The following CDRT4 variants were observed in gnomAD, a reference collection of about 807,000 sequenced individuals.
CDRT4 encodes the protein CMT1A duplicated region transcript 4.
For synonymous variants in CDRT4, 64 were observed against 69.6 expected, an observed-to-expected ratio of 0.92 and a Z score of 0.40; for missense variants, 167 against 193.1, an observed-to-expected ratio of 0.87 and a Z score of 0.80.
chr17:15,461,358 G>C (rs79270524), intron 1 of CDRT4, among the ~76,000 whole-genome samples: 1 of 152,212 alleles, frequency 6.6e-6, no homozygotes, highest in Admixed American at 6.5e-5. Flanking sequence ...TACAGCATGC[G>C]GGCTGCCACA....
intron 1 of CDRT4, among the ~76,000 whole-genome samples, chr17:15,465,234 ACAC>A (rs1435302007): frequency 5.3e-5 from 7 of 132,548 alleles, no homozygotes; most frequent in Non-Finnish European, 7.6e-5. Flanking sequence ...ACACAGACAC[ACAC>A]AACAGACACA....
chr17:15,440,384 G>A (rs1978703304), intron 2 of CDRT4, 99 bp from the exon 3 acceptor site: 1 of 1,336,824 alleles, frequency 7.5e-7, no homozygotes, highest in Non-Finnish European at 1.0e-6. Context: ...TATGGTCACT[G>A]CATGAGGCTA....
intron 1 of CDRT4, among the ~76,000 whole-genome samples, chr17:15,466,761 G>T (rs1301957522): frequency 2.0e-5 from 3 of 152,024 alleles, no homozygotes; most frequent in Non-Finnish European, 4.4e-5. Context: ...TAGAAACGGG[G>T]TCTTGCTATG....
intron 1 of CDRT4, among the ~76,000 whole-genome samples, chr17:15,459,988 GC>G (rs1380421370): frequency 6.6e-6 from 1 of 152,072 alleles, no homozygotes; most frequent in Non-Finnish European, 1.5e-5. Context: ...GGGTGAGGGA[GC>G]CCCTGTCCCA....
chr17:15,456,240 T>A (rs1979474829), intron 1 of CDRT4, among the ~76,000 whole-genome samples: 1 of 152,136 alleles, frequency 6.6e-6, no homozygotes, highest in African/African-American at 2.4e-5. Context: ...GACAAGGTCA[T>A]TTTGACACAG....
chr17:15,465,744 A>T (rs1980007012), intron 1 of CDRT4, among the ~76,000 whole-genome samples: 1 of 152,216 alleles, frequency 6.6e-6, no homozygotes, highest in South Asian at 2.1e-4. Flanking sequence ...ATGCACAGAC[A>T]CGCATGCTAA....
intron 2 of CDRT4, among the ~76,000 whole-genome samples, chr17:15,446,131 G>A (rs1223922871): frequency 6.6e-6 from 1 of 152,134 alleles, no homozygotes; most frequent in Non-Finnish European, 1.5e-5. Context: ...CGGTTTCCAT[G>A]CTGATCTCCA....
intron 1 of CDRT4, among the ~76,000 whole-genome samples, chr17:15,462,245 G>A (rs531805194): frequency 1.3e-4 from 19 of 151,934 alleles, no homozygotes; most frequent in African/African-American, 3.1e-4. Flanking sequence ...TGACTAACAC[G>A]GTGAAACCCA....
At position 15,438,147 on chromosome 17, in the gene CDRT4, A is replaced by G. The variant is rs1430205001; in HGVS notation, c.85T>C (p.Trp29Arg). The stretch of plus-strand genomic sequence containing the variant: ...GAGGTATAGGTGACATAGGCCGGCC[A>G]GGGGTCATGTTTTTCAAGTAGCTTC... ...PRKLLEKHDP[W>R]PAYVTYTSQT... Residue 29 changes from tryptophan to arginine, a missense_variant, in exon 4 of 4, where the codon TGG (tryptophan) becomes CGG (arginine). Coordinates refer to ENST00000619038, the MANE Select transcript of CDRT4 (RefSeq NM_001204477.2). 1.2e-6 allele frequency: 2 copies of G among 1,614,144 alleles called. No individual in the cohort carries two copies. Among genetic ancestry groups the G allele is most frequent in the Non-Finnish European group, 1.7e-6 (2 of 1,180,020 alleles).
chr17:15,458,652 C>A (rs1441770273), intron 1 of CDRT4, among the ~76,000 whole-genome samples: 1 of 152,180 alleles, frequency 6.6e-6, no homozygotes, highest in African/African-American at 2.4e-5. Flanking sequence ...ACGGTGTTCA[C>A]CCATTCCTGA....
chr17:15,451,811 CTCTG>C (rs1296029309), intron 2 of CDRT4, among the ~76,000 whole-genome samples: 8 of 152,220 alleles, frequency 5.3e-5, no homozygotes, highest in African/African-American at 1.2e-4. Flanking sequence ...TATTTTAATA[CTCTG>C]TCTAACACTA....
intron 2 of CDRT4, 124 bp downstream of exon 2, chr17:15,452,874 TTCTCTC>T (rs1488462511): frequency 6.6e-6 from 1 of 152,000 alleles, no homozygotes; most frequent in Non-Finnish European, 1.5e-5. Context: ...CTCTTTCTCT[TTCTCTC>T]TCTCCCTCTC....
At chr17:15,440,757 T>C (rs1271714977) in intron 2 of CDRT4, among the ~76,000 whole-genome samples, 2 of 152,216 alleles carry the variant, frequency 1.3e-5, no homozygotes, top group East Asian at 1.9e-4. Flanking sequence ...AGGAGTCAGC[T>C]ACCAGGGCCC....
chr17:15,461,176 C>T (rs1490330064), intron 1 of CDRT4, among the ~76,000 whole-genome samples: 2 of 152,194 alleles, frequency 1.3e-5, no homozygotes, highest in South Asian at 2.1e-4. Context: ...TTATTTTCTG[C>T]CTGCCCTCTT....
intron 2 of CDRT4, among the ~76,000 whole-genome samples, chr17:15,447,796 T>A (rs1326999693): frequency 1.3e-5 from 2 of 152,204 alleles, no homozygotes; most frequent in African/African-American, 4.8e-5. Flanking sequence ...CAAGCAGGCA[T>A]AATCAGAGGA....
At chr17:15,447,661 T>C (rs1409178286) in intron 2 of CDRT4, among the ~76,000 whole-genome samples, 5 of 152,354 alleles carry the variant, frequency 3.3e-5, no homozygotes, top group African/African-American at 1.2e-4. Context: ...ATTACAAATA[T>C]TAAATTCCCA....
At position 15,464,163 on chromosome 17, in the gene CDRT4, G is replaced by A. The variant is rs1008482761; in HGVS notation, c.-130+3297C>T. Among the ~76,000 whole-genome samples, 6 of 152,110 alleles carry A rather than the reference G, an allele frequency of 3.9e-5. No homozygotes were observed. The South Asian group carries it at 8.3e-4, about 21-fold the overall frequency. The stretch of plus-strand genomic sequence containing the variant: ...GGGTAACTTATTAACCTCTCTGGCC[G>A]CGTTTTTCTCTGGTGATGTGTCACT... On this transcript the variant is annotated intron_variant, in intron 1 of 3. Transcript: ENST00000619038. The surrounding 1 kb of genome is among the most constrained non-coding windows in gnomAD (Gnocchi z 4.5).
At position 15,438,180 on chromosome 17, in the gene CDRT4, G is replaced by T. The variant is rs747671952; in HGVS notation, c.52C>A (p.Leu18Ile). Residue 18 changes from leucine to isoleucine, a missense_variant, in exon 4 of 4, where the codon CTT (leucine) becomes ATT (isoleucine). By Grantham distance (5) the Leu-to-Ile change is conservative. Coordinates refer to ENST00000619038, the MANE Select transcript of CDRT4 (RefSeq NM_001204477.2). Reference sequence around the variant, plus strand: ...TGTTTTTCAAGTAGCTTCCGGGGAAGTCCAGTGTTTTCTGTGAGTCCTACC... The same window carrying T: ...TGTTTTTCAAGTAGCTTCCGGGGAATTCCAGTGTTTTCTGTGAGTCCTACC... Reference protein sequence around the residue: ...KEEGLTENTGLPRKLLEKHDP... With the variant: ...KEEGLTENTGIPRKLLEKHDP... 4 of 1,613,702 alleles carry T rather than the reference G, an allele frequency of 2.5e-6. No homozygotes were observed. Among genetic ancestry groups the T allele is most frequent in the Non-Finnish European group, 8.5e-7 (1 of 1,179,768 alleles).
At chr17:15,449,102 C>T (rs988035516) in intron 2 of CDRT4, among the ~76,000 whole-genome samples, 1 of 152,236 alleles carries the variant, frequency 6.6e-6, no homozygotes, top group Non-Finnish European at 1.5e-5. Context: ...AATACCAGTT[C>T]AATCCACCTG....
Sources: gnomAD v4.1 joint callset for allele counts (sites outside exome capture counted in the v4.1 genomes callset) on GRCh38, gnomAD v4.1.1 for gene constraint, Gnocchi (gnomAD v3.1) non-coding constraint, MANE v1.5 for transcripts, NCBI Gene and HGNC (gene_info 2026-07-23, HGNC 2026-07-21) for gene names.